Variants in RAD51B observed in about 807,000 individuals in gnomAD.
RAD51B encodes DNA repair protein RAD51 homolog 2.
A neutral mutation model predicts 42.2 loss-of-function variants in RAD51B; 38 were observed. The observed-to-expected ratio is 0.90, with a 90% confidence interval of 0.70 to 1.18. RAD51B has a LOEUF of 1.18. RAD51B is among the 50% of genes most tolerant of loss of function. The pLI is 0.00. For synonymous variants in RAD51B, 154 were observed against 145.2 expected (o/e 1.06, Z -0.43); for missense variants, 373 against 400.7 (o/e 0.93, Z 0.59).
chr14:68,592,109 A>G (rs1890770384), intron 10 of RAD51B, among the ~76,000 whole-genome samples: 3 of 152,174 alleles, frequency 2.0e-5, no homozygotes, highest in African/African-American at 7.2e-5. Flanking sequence ...CCTCAGTATT[A>G]GGAGGGGGGG....
At chr14:68,384,660 A>C (rs571648023) in intron 8 of RAD51B, among the ~76,000 whole-genome samples, 1 of 152,360 alleles carries the variant, frequency 6.6e-6, no homozygotes, top group South Asian at 2.1e-4. Flanking sequence ...TCTTGGGATC[A>C]GAATTAAGGT....
At chr14:68,292,898 A>G (rs2081542287) in intron 8 of RAD51B, among the ~76,000 whole-genome samples, 1 of 152,212 alleles carries the variant, frequency 6.6e-6, no homozygotes, top group African/African-American at 2.4e-5. Context: ...GCTCCTTCCA[A>G]GTTCAGGGAT....
chr14:68,643,300 CTCTT>C (rs1360495200), intron 10 of RAD51B, among the ~76,000 whole-genome samples: 10 of 152,206 alleles, frequency 6.6e-5, no homozygotes, highest in African/African-American at 2.4e-4. Context: ...CTGAAGCCTG[CTCTT>C]TCTAAAATTA....
In RAD51B at chr14:67,893,511, A is replaced by ACAC. The variant is rs1566945536; in HGVS notation, c.756+6307_756+6308insCAC. The stretch of plus-strand genomic sequence containing the variant: ...ACACACACACACACACACACACACA[A>ACAC]AAAAAAACAATTAGCTGGGTGTGGT... On this transcript the variant is annotated intron_variant, in intron 7 of 10. Coordinates refer to ENST00000471583, the MANE Select transcript of RAD51B (RefSeq NM_133510.4). 3.0e-4 allele frequency among the ~76,000 whole-genome samples: 20 copies of ACAC among 67,222 alleles called. 1 individual carries two copies. Among genetic ancestry groups the ACAC allele is most frequent in the Middle Eastern group, 6.8e-3 (1 of 146 alleles). The allele number at this position is 67,222 out of a possible 152,430, so 44.1% of individuals were successfully genotyped here.
rs2078109484 is a variant in RAD51B, at chr14:68,140,643, C to G, written c.757-151241C>G. Among the ~76,000 whole-genome samples the G allele has an allele frequency of 5.3e-5, 8 of 152,238 alleles. No homozygotes were observed. In the South Asian group the frequency reaches 1.7e-3, roughly 31 times the overall value. On this transcript the variant is annotated intron_variant, in intron 7 of 10. Coordinates refer to ENST00000471583, the MANE Select transcript of RAD51B (RefSeq NM_133510.4). ...TTGGGATGCAAAGCCAAATTCACGT[C>G]ACTTTCAAGGTTCACTAATCAGAAT...
chr14:68,605,558 T>C (rs370835755), intron 10 of RAD51B, among the ~76,000 whole-genome samples: 1 of 152,242 alleles, frequency 6.6e-6, no homozygotes, highest in Non-Finnish European at 1.5e-5. Context: ...TTCTACAGCC[T>C]GTCCCAGGCC....
chr14:68,620,336 A>G (rs1197309996), intron 10 of RAD51B, among the ~76,000 whole-genome samples: 5 of 152,286 alleles, frequency 3.3e-5, no homozygotes, highest in African/African-American at 1.2e-4. Context: ...CCTTCCCTAC[A>G]GCCTCTGCGT....
In RAD51B at chr14:68,335,877, T is replaced by A. The variant is rs1039914660; in HGVS notation, c.853+43897T>A. Among the ~76,000 whole-genome samples, 10 of 152,230 alleles carry A rather than the reference T, an allele frequency of 6.6e-5. No homozygotes were observed. The East Asian group carries it at 1.9e-3, about 29-fold the overall frequency. ...AATAGCCATTAGGTTAGCAATACTT[T>A]AAGGGACTAGAAGGAGAGGTTAAAA... On this transcript the variant is annotated intron_variant, in intron 8 of 10. Coordinates refer to ENST00000471583, the MANE Select transcript of RAD51B (RefSeq NM_133510.4).
intron 8 of RAD51B, among the ~76,000 whole-genome samples, chr14:68,331,763 T>G (rs1427325578): frequency 6.6e-6 from 1 of 152,206 alleles, no homozygotes; most frequent in Non-Finnish European, 1.5e-5. Flanking sequence ...ACAGAGGTTG[T>G]CTGACTTCAC....
At chr14:67,916,919 T>G (rs1234110795) in intron 7 of RAD51B, among the ~76,000 whole-genome samples, 2 of 152,196 alleles carry the variant, frequency 1.3e-5, no homozygotes, top group African/African-American at 4.8e-5. Context: ...AAAGGAATTG[T>G]ATGTTAAAAA....
chr14:68,174,263 A>G (rs1790658165), intron 7 of RAD51B, among the ~76,000 whole-genome samples: 1 of 152,176 alleles, frequency 6.6e-6, no homozygotes, highest in Middle Eastern at 3.4e-3. Context: ...GTTTAAGCCT[A>G]TAGTGCCAGC....
At chr14:68,457,457 A>G (rs546922136) in intron 9 of RAD51B, among the ~76,000 whole-genome samples, 5 of 152,328 alleles carry the variant, frequency 3.3e-5, no homozygotes, top group East Asian at 1.9e-4. Context: ...AAATTATTGC[A>G]TGTATATTAT....
At chr14:68,469,304 G>A (rs1321779984) in intron 10 of RAD51B, among the ~76,000 whole-genome samples, 1 of 152,230 alleles carries the variant, frequency 6.6e-6, no homozygotes, top group African/African-American at 2.4e-5. Context: ...TGCAGGGCAG[G>A]CTGGAGAGTT....
At chr14:68,524,440 G>A (rs1886792966) in intron 10 of RAD51B, among the ~76,000 whole-genome samples, 2 of 152,206 alleles carry the variant, frequency 1.3e-5, no homozygotes, top group African/African-American at 2.4e-5. Flanking sequence ...CACTCCTGAC[G>A]GGTTGGTTCA....
intron 8 of RAD51B, among the ~76,000 whole-genome samples, chr14:68,334,732 C>T (rs2082411821): frequency 6.6e-6 from 1 of 151,846 alleles, no homozygotes; most frequent in African/African-American, 2.4e-5. Context: ...GCACAGATAA[C>T]CTCTCCAAAT....
downstream of RAD51B, among the ~76,000 whole-genome samples, chr14:68,615,125 C>A (rs927046373): frequency 3.9e-5 from 6 of 152,182 alleles, no homozygotes; most frequent in African/African-American, 1.4e-4. Context: ...CCCGCCTTGG[C>A]CTCCCAAAGT....
chr14:67,948,968 A>C (rs1467992366), intron 7 of RAD51B, among the ~76,000 whole-genome samples: 1 of 148,454 alleles, frequency 6.7e-6, no homozygotes, highest in African/African-American at 2.5e-5. Flanking sequence ...AGCAATGTAC[A>C]TACCTTAATT....
At chr14:68,543,716 A>G (rs1888081284) in intron 10 of RAD51B, among the ~76,000 whole-genome samples, 1 of 152,170 alleles carries the variant, frequency 6.6e-6, no homozygotes, top group South Asian at 2.1e-4. Context: ...TTCCTTTTCA[A>G]CCATACAGCC....
At chr14:67,932,337 C>T (rs896007610) in intron 7 of RAD51B, among the ~76,000 whole-genome samples, 2 of 152,158 alleles carry the variant, frequency 1.3e-5, no homozygotes, top group Non-Finnish European at 2.9e-5. Flanking sequence ...TCTGTGTTAT[C>T]TGTGATTTCC....
Sources: allele counts gnomAD v4.1 joint callset (sites outside exome capture counted in the v4.1 genomes callset), GRCh38; gene constraint gnomAD v4.1.1; transcripts MANE v1.5; gene names NCBI Gene and HGNC (gene_info 2026-07-23, HGNC 2026-07-21).